Variants in FOXP2 observed in about 807,000 individuals in gnomAD.
FOXP2 encodes the protein forkhead box protein P2.
FOXP2 carries 12 observed loss-of-function variants against 115.8 expected under a neutral mutation model. The observed-to-expected ratio is 0.10, with a 90% confidence interval of 0.07 to 0.17. The LOEUF (loss-of-function observed/expected upper bound fraction) is 0.17, where lower values mean the gene tolerates loss of function less well. Among genes scored for constraint, FOXP2 ranks in the 10% least tolerant of loss-of-function variants. The pLI, the probability that FOXP2 is intolerant of heterozygous loss-of-function variation, is 1.00. For missense variants in FOXP2, 629 were observed against 843.5 expected, an observed-to-expected ratio of 0.75 and a Z score of 3.15; for synonymous variants, 328 against 297.7, an observed-to-expected ratio of 1.10 and a Z score of -1.05.
At chr7:114,440,593 A>T (rs920965380) in intron 2 of FOXP2, among the ~76,000 whole-genome samples, 2 of 152,332 alleles carry the variant, frequency 1.3e-5, no homozygotes, top group Non-Finnish European at 2.9e-5. Flanking sequence ...CTTCAATAAA[A>T]CTAATTCAGA....
chr7:114,578,981 A>G (rs1448297595), intron 3 of FOXP2, among the ~76,000 whole-genome samples: 1 of 152,198 alleles, frequency 6.6e-6, no homozygotes, highest in Non-Finnish European at 1.5e-5. Flanking sequence ...AATTGTTAAA[A>G]GAATAAGCCT....
At chr7:114,349,881 T>C (rs571265557) in intron 2 of FOXP2, among the ~76,000 whole-genome samples, 2 of 152,274 alleles carry the variant, frequency 1.3e-5, no homozygotes, top group South Asian at 4.1e-4. Flanking sequence ...AAAATAATTG[T>C]ATAATTATGA....
Position 114,297,003 on chromosome 7 carries a change from G to A in FOXP2, c.-11+8894G>A, listed in dbSNP as rs1028339028. 3 of 224,944 alleles carry A rather than the reference G, an allele frequency of 1.3e-5. No homozygotes were observed. In the Admixed American group the frequency reaches 1.6e-4, roughly 12 times the overall value. The allele number at this position is 224,944 out of a possible 1,614,324, so 13.9% of individuals were successfully genotyped here. A position where few individuals can be genotyped will look rare whatever the true frequency, so the allele number is the denominator to read the frequency against. On this transcript the variant is annotated intron_variant, in intron 2 of 17. Transcript: ENST00000634411. ...AAAATTTTGCTAAAACATTTCATTT[G>A]TTTCACAGGTGATGATTTATGCTTA...
chr7:114,506,454 T>TATTA (rs1490591777), intron 2 of FOXP2, among the ~76,000 whole-genome samples: 2 of 151,644 alleles, frequency 1.3e-5, no homozygotes, highest in African/African-American at 4.8e-5. Context: ...AGAAATCATA[T>TATTA]ATTAGTACTA....
At chr7:114,377,897 C>T (rs1032183911) in intron 2 of FOXP2, among the ~76,000 whole-genome samples, 1 of 152,172 alleles carries the variant, frequency 6.6e-6, no homozygotes, top group Admixed American at 6.5e-5. Context: ...CACAAGAGGA[C>T]ATCTCTAAAT....
chr7:114,653,153 T>C (rs1296264886), intron 9 of FOXP2, among the ~76,000 whole-genome samples: 1 of 152,194 alleles, frequency 6.6e-6, no homozygotes, highest in Non-Finnish European at 1.5e-5. Context: ...AAATATTTTG[T>C]TTTGACTTGT....
Position 114,665,652 on chromosome 7 carries a change from C to T in FOXP2, c.2003+1216C>T, listed in dbSNP as rs151140414. On this transcript the variant is annotated intron_variant, in intron 16 of 16. Transcript: ENST00000350908. The stretch of plus-strand genomic sequence containing the variant: ...AACATTAATGTGTTTTATCAGGTTC[C>T]GAACCATTACTTCTTCAAAATGGAA... The T allele has an allele frequency of 2.4e-4, 36 of 152,066 alleles. 1 individual carries two copies. Among genetic ancestry groups the T allele is most frequent in the East Asian group, 1.2e-3 (6 of 5,180 alleles). The allele number at this position is 152,066 out of a possible 1,614,324, so 9.4% of individuals were successfully genotyped here. A position where few individuals can be genotyped will look rare whatever the true frequency, so the allele number is the denominator to read the frequency against.
At chr7:114,427,910 C>T (rs575910717) in intron 2 of FOXP2, among the ~76,000 whole-genome samples, 1 of 151,630 alleles carries the variant, frequency 6.6e-6, no homozygotes, top group South Asian at 2.1e-4. Flanking sequence ...TCATTTTTTT[C>T]ACAGACAATA....
At chr7:114,417,749 T>C (rs1793411790) in intron 1 of FOXP2, among the ~76,000 whole-genome samples, 1 of 151,964 alleles carries the variant, frequency 6.6e-6, no homozygotes, top group South Asian at 2.1e-4. Context: ...ACTGTAAAAA[T>C]GAAAAGCAAA....
chr7:114,463,887 G>C (rs1338420979), intron 2 of FOXP2, among the ~76,000 whole-genome samples: 1 of 152,176 alleles, frequency 6.6e-6, no homozygotes, highest in Non-Finnish European at 1.5e-5. Flanking sequence ...TGATAGATCT[G>C]ATGCTTGAGA....
intron 6 of FOXP2, among the ~76,000 whole-genome samples, chr7:114,637,770 G>T (rs957874603): frequency 3.3e-5 from 5 of 152,130 alleles, no homozygotes; most frequent in African/African-American, 1.2e-4. Flanking sequence ...CCCTCAGAAG[G>T]AGTCCTGAGA....
chr7:114,279,431 G>A (rs1796272822), intron 1 of FOXP2, among the ~76,000 whole-genome samples: 1 of 152,118 alleles, frequency 6.6e-6, no homozygotes, highest in African/African-American at 2.4e-5. Context: ...AGGAAATCCA[G>A]CAACTCCCAA....
chr7:114,633,367 CTCTTT>C (rs916194739), intron 6 of FOXP2, among the ~76,000 whole-genome samples: 21 of 152,078 alleles, frequency 1.4e-4, no homozygotes, highest in African/African-American at 4.8e-4. Flanking sequence ...CCTTGTTTCT[CTCTTT>C]TCTTCTGTTT....
At chr7:114,101,522 A>C (rs1790956318) in intron 1 of FOXP2, among the ~76,000 whole-genome samples, 1 of 152,128 alleles carries the variant, frequency 6.6e-6, no homozygotes, top group Non-Finnish European at 1.5e-5. Flanking sequence ...AAGGTTTGGC[A>C]TGGATTATTT....
chr7:114,196,033 C>T (rs192092258), intron 1 of FOXP2, among the ~76,000 whole-genome samples: 26 of 152,054 alleles, frequency 1.7e-4, no homozygotes, highest in East Asian at 1.5e-3. Flanking sequence ...TTATTTATTG[C>T]GGCAGAGTCT....
intron 2 of FOXP2, among the ~76,000 whole-genome samples, chr7:114,453,483 G>A (rs977636539): frequency 2.6e-5 from 4 of 151,822 alleles, no homozygotes; most frequent in African/African-American, 7.3e-5. Flanking sequence ...AAAGCAAAAT[G>A]ATATAAAACA....
chr7:114,270,968 ATT>A (rs575971464), intron 1 of FOXP2, among the ~76,000 whole-genome samples: 1 of 148,338 alleles, frequency 6.7e-6, no homozygotes, highest in African/African-American at 2.5e-5. Flanking sequence ...GTCTCAATTC[ATT>A]TTTTTTTTGT....
At chr7:114,491,629 T>G (rs1201914055) in intron 2 of FOXP2, among the ~76,000 whole-genome samples, 2 of 152,214 alleles carry the variant, frequency 1.3e-5, no homozygotes, top group Admixed American at 1.3e-4. Context: ...CTAGGGTTTT[T>G]ATGGTTTTAA....
chr7:114,299,124 A>G (rs1050127584), intron 2 of FOXP2, among the ~76,000 whole-genome samples: 1 of 151,822 alleles, frequency 6.6e-6, no homozygotes, highest in Non-Finnish European at 1.5e-5. Flanking sequence ...ACTAAAACTT[A>G]ATTTGCAATC....
Sources: allele counts gnomAD v4.1 joint callset (sites outside exome capture counted in the v4.1 genomes callset), GRCh38; gene constraint gnomAD v4.1.1; transcripts MANE v1.5; gene names NCBI Gene and HGNC (gene_info 2026-07-23, HGNC 2026-07-21).